DMBX1: variants seen among roughly 807,000 people sequenced by gnomAD.
The protein encoded by DMBX1 is diencephalon/mesencephalon homeobox 1, also known as diencephalon/mesencephalon homeobox protein 1.
DMBX1 carries 7 observed loss-of-function variants against 30.4 expected under a neutral mutation model. The observed-to-expected ratio is 0.23, with a 90% CI of 0.13 to 0.43. The LOEUF (loss-of-function observed/expected upper bound fraction) is 0.43, where lower values mean the gene tolerates loss of function less well. Ranked by LOEUF, DMBX1 falls within the 20% of genes least tolerant of loss-of-function variation. DMBX1 has a pLI of 1.00. For synonymous variants in DMBX1, 222 were observed against 214.2 expected (o/e 1.04, Z -0.32); for missense variants, 460 against 508.5 (o/e 0.90, Z 0.92).
intron 2 of DMBX1, among the ~76,000 whole-genome samples, chr1:46,504,168 T>G (rs1397663142): frequency 3.3e-5 from 5 of 151,902 alleles, no homozygotes; most frequent in Admixed American, 6.6e-5. Context: ...GTAGGTTGCC[T>G]GTTCACTCTG....
chr1:46,495,983 CT>C (rs61646546), intron 2 of DMBX1, among the ~76,000 whole-genome samples: 6,809 of 152,216 alleles, frequency 0.045, 414 homozygotes, highest in East Asian at 0.23. Flanking sequence ...GAGAACTGGT[CT>C]GAGAGATGGG....
At position 46,511,193 on chromosome 1, in the gene DMBX1, C is replaced by T. The variant is rs115343921; in HGVS notation, c.592C>T (p.Pro198Ser). 367 of 1,613,600 alleles carry T rather than the reference C, an allele frequency of 2.3e-4. 1 individual carries two copies. In the African/African-American group the frequency reaches 4.3e-3, roughly 19 times the overall value. ...PEDQPDREED[P>S]RAGAEDPKAE... is the part of the protein sequence containing the mutation. ...GGATCAGCCGGACCGTGAGGAGGAC[C>T]CCAGGGCAGGGGCTGAGGACCCCAA... The change falls in exon 5 of 6, where the codon CCC (proline) becomes TCC (serine). Residue 198 changes from proline to serine, a missense_variant. Physicochemically the swap from Pro to Ser is moderately conservative, Grantham distance 74. This residue lies in a region of DMBX1 where 334 missense variants were observed against 345.1 expected (regional missense o/e 0.97). Coordinates refer to ENST00000360032, the MANE Select transcript of DMBX1 (RefSeq NM_172225.2).
In DMBX1 at chr1:46,513,274, C is replaced by T. The variant is rs56393814; in HGVS notation, c.*780C>T. 0.2 allele frequency: 29,730 copies of T among 152,302 alleles called. 2,994 individuals carry two copies. The highest frequency in any genetic ancestry group is 0.26 in the South Asian group (1,274 of 4,824). The allele number at this position is 152,302 out of a possible 1,614,324, so 9.4% of individuals were successfully genotyped here. A position where few individuals can be genotyped will look rare whatever the true frequency, so the allele number is the denominator to read the frequency against. Reference sequence around the variant, plus strand: ...TGCCCTGCCTGCCTCCCTGCACCTGCGGCCTCTCTAGGAAGCTGTTCCTTT... The same window carrying T: ...TGCCCTGCCTGCCTCCCTGCACCTGTGGCCTCTCTAGGAAGCTGTTCCTTT... On this transcript the variant is annotated 3_prime_UTR_variant, in exon 6 of 6. Coordinates refer to ENST00000360032, the MANE Select transcript of DMBX1 (RefSeq NM_172225.2).
chr1:46,504,508 A>G (rs1270789521), intron 2 of DMBX1, among the ~76,000 whole-genome samples: 1 of 149,868 alleles, frequency 6.7e-6, no homozygotes, highest in African/African-American at 2.5e-5. Flanking sequence ...CAGGTTTGTC[A>G]AAGATCAGAT....
chr1:46,498,880 C>A (rs1666072506), intron 2 of DMBX1, among the ~76,000 whole-genome samples: 1 of 152,046 alleles, frequency 6.6e-6, no homozygotes, highest in Non-Finnish European at 1.5e-5. Context: ...AGAGCAGGGG[C>A]CTTGATGTCC....
At chr1:46,501,219 T>TTTCTTTCA in intron 2 of DMBX1, among the ~76,000 whole-genome samples, 1 of 57,492 alleles carries the variant, frequency 1.7e-5, no homozygotes, top group Non-Finnish European at 3.8e-5. Flanking sequence ...CCTTCCTTTC[T>TTTCTTTCA]TTCTTTCTTT....
rs768437202 is a variant in DMBX1 at position 46,510,648 on chromosome 1, G to C, written c.327G>C (p.Arg109=). 2 of 1,613,452 alleles carry C rather than the reference G, an allele frequency of 1.2e-6. No individual in the cohort carries two copies. Among genetic ancestry groups the C allele is most frequent in the South Asian group, 2.2e-5 (2 of 91,036 alleles). Residue 109 remains arginine, a synonymous_variant, in exon 4 of 6, where the codon CGG becomes CGC. Transcript: ENST00000360032. This position sits in a 1 kb window ranked among gnomAD's most constrained non-coding sequence, Gnocchi z 4.1. ...LAMCTNLPEA[R]VQVWFKNRRA... ...TGTGCACCAACCTGCCTGAGGCCCGGGTGCAGGTAGGGCCCAACTCTCCTA... is the reference window on the plus strand; with the variant it reads ...TGTGCACCAACCTGCCTGAGGCCCGCGTGCAGGTAGGGCCCAACTCTCCTA...
In DMBX1 at chr1:46,510,522, T is replaced by A. The variant is rs1439994357; in HGVS notation, c.201T>A (p.Arg67=). The A allele has an allele frequency of 1.2e-6, 2 of 1,614,102 alleles. No homozygotes were observed. The highest frequency in any genetic ancestry group is 4.5e-5 in the East Asian group (2 of 44,886). ...ATGGTTCCCAGCACCGCAAACAACGTCGCAGCCGCACAGCGTTCACGGCTC... is the reference window on the plus strand; with the variant it reads ...ATGGTTCCCAGCACCGCAAACAACGACGCAGCCGCACAGCGTTCACGGCTC... ...ARYGSQHRKQ[R]RSRTAFTAQQ... is the part of the protein sequence containing the mutation. The change falls in exon 4 of 6, where the codon CGT becomes CGA. Residue 67 remains arginine (R), a synonymous_variant. Transcript: ENST00000360032. The surrounding 1 kb of genome is among the most constrained non-coding windows in gnomAD (Gnocchi z 4.1).
At chr1:46,509,083 C>T (rs1213432150) in intron 3 of DMBX1, among the ~76,000 whole-genome samples, 10 of 149,116 alleles carry the variant, frequency 6.7e-5, no homozygotes, top group African/African-American at 9.9e-5. Context: ...TTTTTTTTTG[C>T]GGAGGGGGGA....
chr1:46,490,439 G>A (rs1274396241), intron 1 of DMBX1, among the ~76,000 whole-genome samples: 2 of 152,228 alleles, frequency 1.3e-5, no homozygotes, highest in African/African-American at 4.8e-5. Context: ...GCGCGGGGAG[G>A]GAGGTGGCCG....
Position 46,510,109 on chromosome 1 carries a change from T to C in DMBX1, c.155-367T>C, listed in dbSNP as rs1314737701. Among the ~76,000 whole-genome samples the C allele has an allele frequency of 6.6e-6, 1 of 152,224 alleles. No individual in the cohort carries two copies. Among genetic ancestry groups the C allele is most frequent in the African/African-American group, 2.4e-5 (1 of 41,452 alleles). On this transcript the variant is annotated intron_variant, in intron 3 of 5. Coordinates refer to ENST00000360032, the MANE Select transcript of DMBX1 (RefSeq NM_172225.2). The surrounding 1 kb of genome is among the most constrained non-coding windows in gnomAD (Gnocchi z 4.1). ...ATAGGGTCTTAGAACTCCTGTGATA[T>C]GGACTTACAGATTATTAGCATCATG...
At chr1:46,498,317 C>G (rs1458370648) in intron 2 of DMBX1, among the ~76,000 whole-genome samples, 1 of 152,240 alleles carries the variant, frequency 6.6e-6, no homozygotes, top group East Asian at 1.9e-4. Context: ...GCCTCCCTCA[C>G]AATCTCTTGG....
chr1:46,492,192 G>T (rs1362160972), intron 2 of DMBX1, among the ~76,000 whole-genome samples: 2 of 152,216 alleles, frequency 1.3e-5, no homozygotes, highest in Non-Finnish European at 2.9e-5. Context: ...TCGGGCCTCG[G>T]GATGGGCTCT....
rs114951731 is a variant in DMBX1, at chr1:46,512,119, G to C, written c.759G>C (p.Ser253=). 1,544 of 1,613,770 alleles carry C rather than the reference G, an allele frequency of 9.6e-4. 15 individuals are homozygous for C. The African/African-American group carries it at 0.017, about 18-fold the overall frequency. Reference sequence around the variant, plus strand: ...TGGGCCCCTCCCACTCCTATTCCTCGTCCCCGCTGAGCCTCTTCCGTCTGC... The same window carrying C: ...TGGGCCCCTCCCACTCCTATTCCTCCTCCCCGCTGAGCCTCTTCCGTCTGC... The part of the protein sequence containing the change: ...GLLGPSHSYS[S]SPLSLFRLQE... The change falls in exon 6 of 6, where the codon TCG becomes TCC. Residue 253 remains serine, a synonymous_variant. Coordinates refer to ENST00000360032, the MANE Select transcript of DMBX1 (RefSeq NM_172225.2). The surrounding 1 kb of genome is among the most constrained non-coding windows in gnomAD (Gnocchi z 4.8).
chr1:46,498,777 G>A (rs1324522810), intron 2 of DMBX1, among the ~76,000 whole-genome samples: 1 of 152,216 alleles, frequency 6.6e-6, no homozygotes, highest in Non-Finnish European at 1.5e-5. Flanking sequence ...ACACTGAGGT[G>A]GGCTTCAGAC....
chr1:46,502,196 C>G (rs773300058), intron 2 of DMBX1, among the ~76,000 whole-genome samples: 6 of 152,168 alleles, frequency 3.9e-5, no homozygotes, highest in Non-Finnish European at 8.8e-5. Flanking sequence ...TCAACATATG[C>G]TTACTTGGAA....
At chr1:46,495,975 G>T (rs76307338) in intron 2 of DMBX1, among the ~76,000 whole-genome samples, 9,158 of 151,056 alleles carry the variant, frequency 0.061, 699 homozygotes, top group African/African-American at 0.18. Flanking sequence ...GTATCAGAGA[G>T]AACTGGTCTG....
intron 2 of DMBX1, among the ~76,000 whole-genome samples, chr1:46,492,032 C>T (rs1665938664): frequency 1.3e-5 from 2 of 152,202 alleles, no homozygotes; most frequent in Non-Finnish European, 1.5e-5. Flanking sequence ...AAACACCTTA[C>T]CCCACCCCTG....
intron 3 of DMBX1, among the ~76,000 whole-genome samples, chr1:46,509,345 G>T (rs938756007): frequency 6.6e-6 from 1 of 152,160 alleles, no homozygotes; most frequent in Admixed American, 6.5e-5. Flanking sequence ...GATTACAGGC[G>T]TGAGCCACTG....
Sources: gnomAD v4.1 joint callset for allele counts (sites outside exome capture counted in the v4.1 genomes callset) on GRCh38, gnomAD v4.1.1 for gene constraint, gnomAD v4.1.1 regional missense constraint, Gnocchi (gnomAD v3.1) non-coding constraint, MANE v1.5 for transcripts, NCBI Gene and HGNC (gene_info 2026-07-23, HGNC 2026-07-21) for gene names.